The following MGAT4C variants were observed in gnomAD, a reference collection of about 807,000 sequenced individuals.
MGAT4C encodes MGAT4 family member C.
In MGAT4C, 19 loss-of-function variants were observed where a neutral mutation model predicts 40.1. That is an observed-to-expected ratio of 0.47 (90% confidence interval 0.33 to 0.70). MGAT4C has a LOEUF of 0.70. MGAT4C is among the 30% of genes least tolerant of loss of function. The pLI, the probability that MGAT4C is intolerant of heterozygous loss-of-function variation, is 0.02. For missense variants in MGAT4C, 491 were observed against 563.2 expected, an observed-to-expected ratio of 0.87 and a Z score of 1.30; for synonymous variants, 181 against 187.1, an observed-to-expected ratio of 0.97 and a Z score of 0.27.
At chr12:86,783,900 C>T (rs1951887490) in intron 1 of MGAT4C, among the ~76,000 whole-genome samples, 1 of 152,120 alleles carries the variant, frequency 6.6e-6, no homozygotes, top group Non-Finnish European at 1.5e-5. Context: ...GGGTGGAAGA[C>T]TTTATCAATC....
In MGAT4C at chr12:86,631,585, C is replaced by T. The variant is rs1394833898; in HGVS notation, c.-229+95624G>A. 9.9e-5 allele frequency among the ~76,000 whole-genome samples: 15 copies of T among 152,124 alleles called. No individual in the cohort carries two copies. In the East Asian group the frequency reaches 1.5e-3, roughly 16 times the overall value. On this transcript the variant is annotated intron_variant, in intron 2 of 7. Transcript: ENST00000548651. ...TAGACCAATGGAACAGAACAGAGCC[C>T]TCAGAAATAACACCACACTTCTACA...
At chr12:86,087,473 A>C (rs1422300694) in intron 1 of MGAT4C, among the ~76,000 whole-genome samples, 2 of 151,986 alleles carry the variant, frequency 1.3e-5, no homozygotes, top group Non-Finnish European at 2.9e-5. Context: ...TCTCTTCTTC[A>C]TTAGAATTTA....
In MGAT4C at chr12:86,352,742, A is replaced by G. The variant is rs190978075; in HGVS notation, c.-119-18615T>C. ...TTTGTAAAGCTTCCTATCACACACA[A>G]TATTAATTTGTTAATAAATCTTAAT... On this transcript the variant is annotated intron_variant, in intron 3 of 7. Transcript: ENST00000548651. Among the ~76,000 whole-genome samples the G allele has an allele frequency of 3.2e-4, 49 of 152,140 alleles. 1 individual carries two copies. Among genetic ancestry groups the G allele is most frequent in the Admixed American group, 1.2e-3 (19 of 15,262 alleles).
At chr12:86,204,428 T>C (rs769118974) in intron 1 of MGAT4C, among the ~76,000 whole-genome samples, 11 of 152,126 alleles carry the variant, frequency 7.2e-5, no homozygotes, top group African/African-American at 9.7e-5. Flanking sequence ...CTTATAGAGA[T>C]AAATGATGTT....
chr12:86,653,088 G>T (rs541317483), intron 2 of MGAT4C, among the ~76,000 whole-genome samples: 2 of 151,908 alleles, frequency 1.3e-5, no homozygotes, highest in South Asian at 4.2e-4. Flanking sequence ...TATTTTGCTT[G>T]TGGAGTATGC....
chr12:86,626,068 T>C (rs1332628178), intron 2 of MGAT4C, among the ~76,000 whole-genome samples: 1 of 152,108 alleles, frequency 6.6e-6, no homozygotes, highest in East Asian at 1.9e-4. Context: ...ATTAAAAGAA[T>C]GGGGAAGTGG....
At chr12:86,056,754 T>C (rs1490356963) in intron 1 of MGAT4C, among the ~76,000 whole-genome samples, 2 of 152,108 alleles carry the variant, frequency 1.3e-5, no homozygotes, top group Admixed American at 1.3e-4. Flanking sequence ...TACCCAGTAA[T>C]AGGATCGCTG....
chr12:86,000,778 C>G (rs1887206882), intron 2 of MGAT4C, among the ~76,000 whole-genome samples: 1 of 151,956 alleles, frequency 6.6e-6, no homozygotes, highest in African/African-American at 2.4e-5. Flanking sequence ...TAATGTTAAG[C>G]ATCTAAACAT....
At chr12:86,192,873 A>C (rs576833691) in intron 1 of MGAT4C, among the ~76,000 whole-genome samples, 1 of 152,280 alleles carries the variant, frequency 6.6e-6, no homozygotes, top group South Asian at 2.1e-4. Context: ...TGGTATGTTC[A>C]AACTTAGCAT....
At chr12:86,449,293 A>G (rs957991335) in intron 2 of MGAT4C, among the ~76,000 whole-genome samples, 5 of 152,174 alleles carry the variant, frequency 3.3e-5, no homozygotes, top group African/African-American at 7.2e-5. Flanking sequence ...AAGGAATAGT[A>G]TGACATTATA....
chr12:86,527,641 C>G (rs1958908278), intron 2 of MGAT4C, among the ~76,000 whole-genome samples: 1 of 152,100 alleles, frequency 6.6e-6, no homozygotes, highest in Non-Finnish European at 1.5e-5. Context: ...GAATATCTTT[C>G]CATTTTTGGT....
intron 1 of MGAT4C, among the ~76,000 whole-genome samples, chr12:86,151,660 T>C (rs149244258): frequency 7.8e-4 from 119 of 152,366 alleles, no homozygotes; most frequent in African/African-American, 2.8e-3. Context: ...AACACATCCA[T>C]ATGTTTTATT....
chr12:86,073,555 T>C (rs993411355), intron 1 of MGAT4C, among the ~76,000 whole-genome samples: 8 of 152,112 alleles, frequency 5.3e-5, no homozygotes, highest in African/African-American at 1.4e-4. Context: ...TATAGTGATA[T>C]GGACAATAAA....
chr12:86,276,331 A>T (rs1250237737), intron 4 of MGAT4C, among the ~76,000 whole-genome samples: 1 of 152,178 alleles, frequency 6.6e-6, no homozygotes, highest in Non-Finnish European at 1.5e-5. Context: ...TACATGAGAT[A>T]TTTTGATGTA....
intron 1 of MGAT4C, among the ~76,000 whole-genome samples, chr12:86,160,922 C>T (rs1260395323): frequency 6.6e-6 from 1 of 151,946 alleles, no homozygotes; most frequent in Non-Finnish European, 1.5e-5. Flanking sequence ...TTTCTATATG[C>T]ATGTATATCT....
intron 3 of MGAT4C, among the ~76,000 whole-genome samples, chr12:86,366,303 A>G (rs1391501314): frequency 6.6e-6 from 1 of 152,166 alleles, no homozygotes; most frequent in African/African-American, 2.4e-5. Context: ...TAAGGTTTCT[A>G]TGTATAGAAT....
At chr12:86,632,143 A>T (rs373242808) in intron 2 of MGAT4C, among the ~76,000 whole-genome samples, 2 of 152,132 alleles carry the variant, frequency 1.3e-5, no homozygotes, top group East Asian at 3.8e-4. Context: ...CAGCCAGCAG[A>T]CACATGAAAA....
At chr12:86,299,029 A>G (rs562422470) in intron 4 of MGAT4C, among the ~76,000 whole-genome samples, 1 of 152,336 alleles carries the variant, frequency 6.6e-6, no homozygotes, top group South Asian at 2.1e-4. Flanking sequence ...GGTTGGGAAT[A>G]AATATGCTCT....
Position 86,731,623 on chromosome 12 carries a change from T to A in MGAT4C, c.-261-4382A>T, listed in dbSNP as rs553340680. On this transcript the variant is annotated intron_variant, in intron 1 of 7. Coordinates refer to the MGAT4C transcript ENST00000548651. ...TCCCATATTAGGAGGCTCCAGCTTGTGGCACTTTGTTTCCTTAGGTGTTTT... is the reference window on the plus strand; with the variant it reads ...TCCCATATTAGGAGGCTCCAGCTTGAGGCACTTTGTTTCCTTAGGTGTTTT... 3.9e-5 allele frequency among the ~76,000 whole-genome samples: 6 copies of A among 152,198 alleles called. No individual in the cohort carries two copies. The South Asian group carries it at 6.2e-4, about 16-fold the overall frequency.
Sources: allele counts gnomAD v4.1 joint callset (sites outside exome capture counted in the v4.1 genomes callset), GRCh38; gene constraint gnomAD v4.1.1; transcripts MANE v1.5; gene names NCBI Gene and HGNC (gene_info 2026-07-23, HGNC 2026-07-21).